Variants in CAMK1D observed in about 807,000 individuals in gnomAD.
CAMK1D encodes calcium/calmodulin dependent protein kinase ID.
A neutral mutation model predicts 47.7 loss-of-function variants in CAMK1D; 9 were observed. That is an observed-to-expected ratio of 0.19 (90% CI 0.11 to 0.33). The LOEUF (loss-of-function observed/expected upper bound fraction) is 0.33. Ranked by LOEUF, CAMK1D falls within the 10% of genes least tolerant of loss-of-function variation. The pLI is 1.00. For synonymous variants in CAMK1D, 184 were observed against 184.9 expected (o/e 0.99, Z 0.04); for missense variants, 291 against 488.7 (o/e 0.60, Z 3.81).
intron 1 of CAMK1D, among the ~76,000 whole-genome samples, chr10:12,422,864 G>A (rs187426759): frequency 0.011 from 1,715 of 152,030 alleles, 21 homozygotes; most frequent in African/African-American, 0.033. Flanking sequence ...GTAGAGACGG[G>A]GTTCCTCCAT....
rs1287192477 is a variant in CAMK1D, at chr10:12,761,042, G to A, written c.394G>A (p.Val132Met). ...TCTGATCCGCCAAGTCTTGGACGCC[G>A]TGTACTATCTCCACAGAATGGGCAT... The part of the protein sequence containing the change: ...STLIRQVLDA[V>M]YYLHRMGIVH... The change falls in exon 4 of 11, where the codon GTG (valine) becomes ATG (methionine). Residue 132 changes from valine to methionine, a missense_variant. Physicochemically the swap from Val to Met is conservative, Grantham distance 21. Transcript: ENST00000619168. The A allele has an allele frequency of 3.7e-6, 6 of 1,614,018 alleles. No homozygotes were observed. The highest frequency in any genetic ancestry group is 1.7e-5 in the Admixed American group (1 of 60,000).
chr10:12,553,828 C>T (rs80088427), intron 2 of CAMK1D, among the ~76,000 whole-genome samples: 23,863 of 152,248 alleles, frequency 0.16, 2,132 homozygotes, highest in East Asian at 0.28. Flanking sequence ...AGTACTGTTG[C>T]TGTTATTACT....
intron 6 of CAMK1D, among the ~76,000 whole-genome samples, chr10:12,796,902 A>G (rs1180279381): frequency 1.3e-5 from 2 of 152,238 alleles, no homozygotes; most frequent in African/African-American, 4.8e-5. Flanking sequence ...AGGAGAAAAA[A>G]AAAGACTGGA....
At chr10:12,387,170 C>T (rs1230074035) in intron 1 of CAMK1D, among the ~76,000 whole-genome samples, 1 of 148,746 alleles carries the variant, frequency 6.7e-6, no homozygotes, top group Non-Finnish European at 1.5e-5. Flanking sequence ...CACCACTGCC[C>T]TCCAGCCTGG....
At chr10:12,401,989 G>A (rs964795952) in intron 1 of CAMK1D, among the ~76,000 whole-genome samples, 1 of 151,704 alleles carries the variant, frequency 6.6e-6, no homozygotes, top group African/African-American at 2.4e-5. Flanking sequence ...TCCGCCTGCC[G>A]GGTTCAAGCT....
At chr10:12,777,754 A>G (rs1256196921) in intron 5 of CAMK1D, among the ~76,000 whole-genome samples, 1 of 152,156 alleles carries the variant, frequency 6.6e-6, no homozygotes, top group Non-Finnish European at 1.5e-5. Flanking sequence ...CTTGGTAAGT[A>G]CACCAGCATG....
At chr10:12,440,122 T>TA (rs1240715060) in intron 1 of CAMK1D, among the ~76,000 whole-genome samples, 1 of 152,288 alleles carries the variant, frequency 6.6e-6, no homozygotes, top group East Asian at 1.9e-4. Flanking sequence ...TCACTTGTCT[T>TA]ACTTTCTAGC....
intron 2 of CAMK1D, among the ~76,000 whole-genome samples, chr10:12,574,468 ATTTTTTTTT>A (rs1171556305): frequency 3.1e-4 from 19 of 61,374 alleles, no homozygotes; most frequent in African/African-American, 8.8e-4. Flanking sequence ...CGCCTAGCTA[ATTTTTTTTT>A]TTTTTTTTTT....
At chr10:12,530,087 A>T (rs1013521742) in intron 1 of CAMK1D, among the ~76,000 whole-genome samples, 2 of 152,250 alleles carry the variant, frequency 1.3e-5, no homozygotes, top group Admixed American at 6.5e-5. Flanking sequence ...TGTGATTCTA[A>T]GGGACGGAAT....
At chr10:12,587,254 G>T (rs1837845667) in intron 2 of CAMK1D, among the ~76,000 whole-genome samples, 2 of 152,174 alleles carry the variant, frequency 1.3e-5, no homozygotes, top group Non-Finnish European at 2.9e-5. Flanking sequence ...GGAGTAGCCA[G>T]CCCACGATCG....
At chr10:12,614,286 C>T (rs1325043212) in intron 2 of CAMK1D, among the ~76,000 whole-genome samples, 1 of 152,204 alleles carries the variant, frequency 6.6e-6, no homozygotes, top group African/African-American at 2.4e-5. Flanking sequence ...AGCAAGTGTT[C>T]ACTTGGTGTT....
At chr10:12,553,109 T>G in intron 1 of CAMK1D, 116 bp from the exon 2 acceptor site, 2 of 1,551,486 alleles carry the variant, frequency 1.3e-6, no homozygotes, top group Non-Finnish European at 1.7e-6. Flanking sequence ...GTAACAGTAA[T>G]GCTTACAACT....
chr10:12,425,322 C>G (rs1840193791), intron 1 of CAMK1D, among the ~76,000 whole-genome samples: 1 of 150,338 alleles, frequency 6.7e-6, no homozygotes, highest in South Asian at 2.1e-4. Flanking sequence ...TGCTCTGTCC[C>G]CCAGGCTGGG....
chr10:12,768,103 C>T (rs1042265092), intron 4 of CAMK1D, among the ~76,000 whole-genome samples: 1 of 152,162 alleles, frequency 6.6e-6, no homozygotes, highest in Non-Finnish European at 1.5e-5. Flanking sequence ...GGACTCCTGA[C>T]CTCAGGTGAT....
intron 1 of CAMK1D, among the ~76,000 whole-genome samples, chr10:12,539,049 G>T (rs1836078963): frequency 6.6e-6 from 1 of 152,176 alleles, no homozygotes; most frequent in Non-Finnish European, 1.5e-5. Context: ...TTACAGGCAT[G>T]AGCCACCACG....
At chr10:12,708,078 T>C in intron 3 of CAMK1D, among the ~76,000 whole-genome samples, 1 of 152,176 alleles carries the variant, frequency 6.6e-6, no homozygotes, top group East Asian at 1.9e-4. Flanking sequence ...TAACCTTCGC[T>C]CTCTAAAGGT....
At chr10:12,401,764 T>G (rs1293691412) in intron 1 of CAMK1D, among the ~76,000 whole-genome samples, 2 of 151,872 alleles carry the variant, frequency 1.3e-5, no homozygotes, top group African/African-American at 4.8e-5. Context: ...TAGACCAGCT[T>G]TGGTCCTGAG....
chr10:12,656,409 T>G (rs1176697930), intron 2 of CAMK1D, among the ~76,000 whole-genome samples: 2 of 152,108 alleles, frequency 1.3e-5, no homozygotes, highest in South Asian at 2.1e-4. Flanking sequence ...GGAGGATCAC[T>G]TGAGCCTGGG....
intron 3 of CAMK1D, among the ~76,000 whole-genome samples, chr10:12,716,205 G>T (rs187691214): frequency 2.2e-3 from 329 of 152,216 alleles, no homozygotes; most frequent in Non-Finnish European, 3.8e-3. Context: ...GGGACTCTCA[G>T]CCTTGGCGCT....
Sources: gnomAD v4.1 joint callset for allele counts (sites outside exome capture counted in the v4.1 genomes callset) on GRCh38, gnomAD v4.1.1 for gene constraint, MANE v1.5 for transcripts, NCBI Gene and HGNC (gene_info 2026-07-23, HGNC 2026-07-21) for gene names.